MROH2B: variants seen among roughly 807,000 people sequenced by gnomAD.
MROH2B encodes the protein maestro heat like repeat family member 2B, also known as maestro heat-like repeat-containing protein family member 2B.
A neutral mutation model predicts 208.6 loss-of-function variants in MROH2B; 177 were observed. The ratio of observed to expected loss-of-function variants is 0.85; its 90% CI spans 0.75 to 0.96. The LOEUF is 0.96. MROH2B is among the 40% of genes least tolerant of loss of function. The pLI, the probability that MROH2B is intolerant of heterozygous loss-of-function variation, is 0.00. For synonymous variants in MROH2B, 728 were observed against 659.0 expected, an observed-to-expected ratio of 1.10 and a Z score of -1.60; for missense variants, 2,002 against 1,878.7, an observed-to-expected ratio of 1.07 and a Z score of -1.21.
At chr5:41,045,967 C>A in intron 17 of MROH2B, 114 bp from the exon 18 acceptor site, 1 of 555,746 alleles carries the variant, frequency 1.8e-6, no homozygotes, top group South Asian at 4.0e-5. Flanking sequence ...TAGTATTATT[C>A]CCTTTTCCAT....
chr5:41,047,659 T>C (rs186642254), intron 17 of MROH2B, 62 bp downstream of exon 17: 5 of 1,420,136 alleles, frequency 3.5e-6, no homozygotes, highest in Non-Finnish European at 4.8e-6. Flanking sequence ...TAATTTAGGA[T>C]GGGTAACTTC....
At chr5:41,004,736 T>A in intron 36 of MROH2B, 38 bp downstream of exon 36, 1 of 1,593,482 alleles carries the variant, frequency 6.3e-7, no homozygotes, top group Non-Finnish European at 8.5e-7. Context: ...TTCAAAACTC[T>A]ACTTAAATGA....
chr5:41,062,887 A>G (rs566642957), intron 5 of MROH2B, among the ~76,000 whole-genome samples: 6 of 151,884 alleles, frequency 4.0e-5, no homozygotes, highest in African/African-American at 1.5e-4. Context: ...TTTCTAACTG[A>G]CCTGTAAGCA....
At chr5:41,009,515 G>A in intron 31 of MROH2B, 109 bp from the exon 32 acceptor site, 1 of 1,365,068 alleles carries the variant, frequency 7.3e-7, no homozygotes, top group Non-Finnish European at 1.0e-6. Context: ...CAATTTCAAG[G>A]GCAGATGGAC....
chr5:41,009,448 C>T (rs1741706241), intron 31 of MROH2B, 42 bp from the exon 32 acceptor site: 4 of 1,601,740 alleles, frequency 2.5e-6, no homozygotes, highest in Non-Finnish European at 3.4e-6. Flanking sequence ...AGGCACAACC[C>T]CTCGGGCTGT....
At chr5:41,004,314 G>C (rs374953649) in intron 37 of MROH2B, 32 bp downstream of exon 37, 1 of 1,602,922 alleles carries the variant, frequency 6.2e-7, no homozygotes. Flanking sequence ...ACTCACTTCT[G>C]GGGAGGGAAG....
intron 3 of MROH2B, among the ~76,000 whole-genome samples, chr5:41,066,752 T>C (rs1349734584): frequency 6.6e-6 from 1 of 152,210 alleles, no homozygotes; most frequent in Admixed American, 6.5e-5. Context: ...CAATCTAAGA[T>C]AGTAGGTACA....
chr5:41,023,462 T>C (rs1381294662), intron 24 of MROH2B, among the ~76,000 whole-genome samples: 1 of 152,012 alleles, frequency 6.6e-6, no homozygotes, highest in African/African-American at 2.4e-5. Context: ...ATCAAATTAA[T>C]GAAATGAAGT....
chr5:40,998,642 C>G lies in MROH2B; in HGVS notation c.4621G>C (p.Glu1541Gln). 1 of 1,595,630 alleles carries G rather than the reference C, an allele frequency of 6.3e-7. No individual in the cohort carries two copies. The highest frequency in any genetic ancestry group is 1.3e-5 in the African/African-American group (1 of 74,784). The change falls in exon 41 of 42, where the codon GAG (glutamate) becomes CAG (glutamine). Residue 1541 changes from glutamate to glutamine, a missense_variant. Glu to Gln is a conservative substitution (Grantham distance 29). Coordinates refer to ENST00000399564, the MANE Select transcript of MROH2B (RefSeq NM_173489.5). The stretch of plus-strand genomic sequence containing the variant: ...GTCAGTTGTTCTCTGTCTAGTAACT[C>G]CACATATTGGCTGGTCAAATTGAGA... ...VVLNLTSQYV[E>Q]LLDREQLTTR...
At chr5:41,041,126 A>G (rs1449600839) in intron 19 of MROH2B, among the ~76,000 whole-genome samples, 1 of 152,236 alleles carries the variant, frequency 6.6e-6, no homozygotes, top group East Asian at 1.9e-4. Context: ...ATAATATCTG[A>G]CAAGAAAAAG....
In MROH2B at chr5:41,039,491, T is replaced by G; in HGVS notation, c.2018A>C (p.Lys673Thr). The change falls in exon 20 of 42, where the codon AAA (lysine) becomes ACA (threonine). Residue 673 changes from lysine (K) to threonine (T), a missense_variant. Physicochemically the swap from Lys to Thr is moderately conservative, Grantham distance 78. Coordinates refer to ENST00000399564, the MANE Select transcript of MROH2B (RefSeq NM_173489.5). ...AAACTTTTCCTGATTTTGGAATGTT[T>G]TAAGAACTTTTAAAACAATATCCAA... ...NHLDIVLKVL[K>T]TFQNQEKFFM... The G allele has an allele frequency of 6.2e-7, 1 of 1,606,572 alleles. No individual in the cohort carries two copies. Among genetic ancestry groups the G allele is most frequent in the Non-Finnish European group, 8.5e-7 (1 of 1,175,862 alleles).
At chr5:41,061,084 T>A (rs1743622909) in intron 6 of MROH2B, among the ~76,000 whole-genome samples, 1 of 152,260 alleles carries the variant, frequency 6.6e-6, no homozygotes. Context: ...TGCAGTATTT[T>A]GAAGCAGCCA....
At chr5:41,048,659 C>A (rs545312575) in intron 15 of MROH2B, among the ~76,000 whole-genome samples, 194 bp from the exon 16 acceptor site, 4 of 151,914 alleles carry the variant, frequency 2.6e-5, no homozygotes, top group African/African-American at 9.7e-5. Flanking sequence ...TTTCTTTTTC[C>A]CTGAGGATAA....
Position 41,033,810 on chromosome 5 carries a change from T to TATCC in MROH2B, c.2241+27_2241+28insGGAT, listed in dbSNP as rs1554049334. ...CTATCTATCTATCTATCTATCTATCTATCTATCTATCTATCTATCTCTCCT... is the reference window on the plus strand; with the variant it reads ...CTATCTATCTATCTATCTATCTATCTATCCATCTATCTATCTATCTATCTCTCCT... On this transcript the variant is annotated intron_variant, in intron 22 of 41. Coordinates refer to ENST00000399564, the MANE Select transcript of MROH2B (RefSeq NM_173489.5). The TATCC allele has an allele frequency of 2.0e-5, 20 of 1,000,988 alleles. No homozygotes were observed. In the African/African-American group the frequency reaches 2.8e-4, roughly 14 times the overall value. 62.0% of individuals were successfully genotyped at this position (1,000,988 alleles called of 1,614,324 possible). A position where few individuals can be genotyped will look rare whatever the true frequency, so the allele number is the denominator to read the frequency against.
chr5:41,035,721 C>A (rs953397498), intron 21 of MROH2B, among the ~76,000 whole-genome samples: 1 of 152,090 alleles, frequency 6.6e-6, no homozygotes, highest in South Asian at 2.1e-4. Flanking sequence ...AAAAAATGCT[C>A]ATCATCACTA....
At chr5:41,041,265 T>G (rs888493586) in intron 19 of MROH2B, among the ~76,000 whole-genome samples, 1 of 152,182 alleles carries the variant, frequency 6.6e-6, no homozygotes, top group Non-Finnish European at 1.5e-5. Context: ...ACACTATACT[T>G]TTTTTATACT....
chr5:41,054,693 A>T, intron 11 of MROH2B, 74 bp downstream of exon 11: 1 of 1,163,686 alleles, frequency 8.6e-7, no homozygotes, highest in Non-Finnish European at 1.2e-6. Flanking sequence ...TCATAAGTAG[A>T]TCCTTAAAGA....
At chr5:41,026,782 A>G (rs1185939940) in intron 24 of MROH2B, among the ~76,000 whole-genome samples, 3 of 152,236 alleles carry the variant, frequency 2.0e-5, no homozygotes, top group African/African-American at 4.8e-5. Context: ...ACCTGACTTT[A>G]AACTACACTA....
intron 24 of MROH2B, among the ~76,000 whole-genome samples, chr5:41,019,937 A>T (rs1233868259): frequency 6.6e-6 from 1 of 152,198 alleles, no homozygotes; most frequent in Non-Finnish European, 1.5e-5. Flanking sequence ...CCAATATGGA[A>T]TCTTTCTATG....
Sources: gnomAD v4.1 joint callset for allele counts (sites outside exome capture counted in the v4.1 genomes callset) on GRCh38, gnomAD v4.1.1 for gene constraint, MANE v1.5 for transcripts, NCBI Gene and HGNC (gene_info 2026-07-23, HGNC 2026-07-21) for gene names.